Variants in OR4E2 observed in about 807,000 individuals in gnomAD.
OR4E2 encodes the protein olfactory receptor 4E2.
In OR4E2, 9 loss-of-function variants were observed where a neutral mutation model predicts 11.0. That is an observed-to-expected ratio of 0.82 (90% confidence interval 0.49 to 1.43). OR4E2 has a LOEUF of 1.43. Ranked by LOEUF, OR4E2 falls within the 40% of genes most tolerant of loss-of-function variation. OR4E2 has a pLI of 0.00. For synonymous variants in OR4E2, 159 were observed against 147.3 expected (o/e 1.08, Z -0.57); for missense variants, 441 against 382.0 (o/e 1.15, Z -1.29).
In OR4E2 at chr14:21,666,091, A is replaced by G. The variant is rs1469108126; in HGVS notation, c.*67A>G. On this transcript the variant is annotated 3_prime_UTR_variant, in exon 4 of 4. Transcript: ENST00000641524. The stretch of plus-strand genomic sequence containing the variant: ...ATGAAAGAGCAAAAGTAAAGAGTCA[A>G]AATCAACTTATATAACTTGGTAAAT... 2 of 1,149,890 alleles carry G rather than the reference A, an allele frequency of 1.7e-6. No homozygotes were observed. The highest frequency in any genetic ancestry group is 1.5e-5 in the African/African-American group (1 of 64,530). The allele number at this position is 1,149,890 out of a possible 1,614,324, so 71.2% of individuals were successfully genotyped here. A position where few individuals can be genotyped will look rare whatever the true frequency, so the allele number is the denominator to read the frequency against.
chr14:21,657,488 CTTCCTTCCTTCCTTCCTTCT>C (rs1234885089), intron 2 of OR4E2, among the ~76,000 whole-genome samples: 17 of 92,918 alleles, frequency 1.8e-4, no homozygotes, highest in African/African-American at 7.1e-4. Context: ...TCCTTCCTTC[CTTCCTTCCTTCCTTCCTTCT>C]TTCTTTGTTT....
intron 2 of OR4E2, among the ~76,000 whole-genome samples, chr14:21,656,910 C>A (rs1198898474): frequency 1.3e-5 from 2 of 152,164 alleles, no homozygotes; most frequent in Non-Finnish European, 2.9e-5. Context: ...GAGTTTGCCA[C>A]AGCACTGATT....
chr14:21,654,607 A>G (rs11157094), intron 1 of OR4E2, among the ~76,000 whole-genome samples: 77,772 of 151,822 alleles, frequency 0.51, 20,048 homozygotes, highest in South Asian at 0.69. Flanking sequence ...TTGACCCTCC[A>G]TATACATGGG....
In OR4E2 at chr14:21,665,662, C is replaced by T. The variant is rs1383508425; in HGVS notation, c.580C>T (p.Leu194Phe). The change falls in exon 4 of 4, where the codon CTC becomes TTC. Residue 194 changes from leucine to phenylalanine, a missense_variant. Leu to Phe is a conservative substitution (Grantham distance 22, BLOSUM62 0). Coordinates refer to ENST00000641524, the MANE Select transcript of OR4E2 (RefSeq NM_001001912.3). ...VIKLACTDTY[L>F]TGILIVTNSG... ...CAAGCTGGCCTGCACAGATACATAC[C>T]TCACAGGAATACTGATTGTGACCAA... is the stretch of plus-strand genomic sequence containing the variant. The T allele has an allele frequency of 3.7e-6, 6 of 1,614,162 alleles. No individual in the cohort carries two copies. Among genetic ancestry groups the T allele is most frequent in the South Asian group, 2.2e-5 (2 of 91,080 alleles).
At chr14:21,665,054 T>A in intron 3 of OR4E2, 21 bp from the exon 4 acceptor site, 1 of 1,272,148 alleles carries the variant, frequency 7.9e-7, no homozygotes, top group Non-Finnish European at 1.1e-6. Context: ...CTAAATTAGC[T>A]TTCATTTTTT....
chr14:21,661,443 A>G (rs568556260), intron 3 of OR4E2, among the ~76,000 whole-genome samples: 2 of 152,174 alleles, frequency 1.3e-5, no homozygotes. Context: ...CTTTCCTTCA[A>G]GGTTCGTAAT....
intron 3 of OR4E2, among the ~76,000 whole-genome samples, chr14:21,662,670 A>AT (rs1387490664): frequency 6.6e-6 from 1 of 152,056 alleles, no homozygotes; most frequent in Non-Finnish European, 1.5e-5. Flanking sequence ...TATGTTTAAT[A>AT]TTTTTTCACG....
chr14:21,659,310 T>C (rs1880185162), intron 2 of OR4E2, among the ~76,000 whole-genome samples: 1 of 152,146 alleles, frequency 6.6e-6, no homozygotes, highest in Admixed American at 6.5e-5. Context: ...GCTGGGAGGC[T>C]GAGGCAGGAA....
intron 1 of OR4E2, 74 bp from the exon 2 acceptor site, chr14:21,656,428 G>T (rs1033910814): frequency 6.6e-5 from 10 of 152,024 alleles, no homozygotes; most frequent in African/African-American, 2.4e-4. Flanking sequence ...CAGAAAGCCA[G>T]TTACTAATAT....
At position 21,659,420 on chromosome 14, in the gene OR4E2, A is replaced by C. The variant is rs567097230; in HGVS notation, c.-102-1233A>C. 4.6e-5 allele frequency among the ~76,000 whole-genome samples: 7 copies of C among 152,296 alleles called. No individual in the cohort carries two copies. The East Asian group carries it at 7.7e-4, about 17-fold the overall frequency. On this transcript the variant is annotated intron_variant, in intron 2 of 3. Transcript: ENST00000641524. ...AGTTACTTTGCTCTGTGGATAGAAAAATGAATGAGATATTTCCCTTCCTTC... is the reference window on the plus strand; with the variant it reads ...AGTTACTTTGCTCTGTGGATAGAAACATGAATGAGATATTTCCCTTCCTTC...
In OR4E2 at chr14:21,665,131, C is replaced by T. The variant is rs545065670; in HGVS notation, c.49C>T (p.Leu17Phe). 1.9e-6 allele frequency: 3 copies of T among 1,613,524 alleles called. No individual in the cohort carries two copies. The South Asian group carries it at 3.3e-5, about 18-fold the overall frequency. Residue 17 changes from leucine to phenylalanine, a missense_variant, in exon 4 of 4, where the codon CTC becomes TTC. Physicochemically the swap from Leu to Phe is conservative, Grantham distance 22 (BLOSUM62 0). Transcript: ENST00000641524. The stretch of plus-strand genomic sequence containing the variant: ...AGTGACTGAATTTGTCTTCTTGGGA[C>T]TCACTGATAACCGGGTGCTGGAAAT... ...TRVTEFVFLGLTDNRVLEMLF... is the reference protein window; with the variant it reads ...TRVTEFVFLGFTDNRVLEMLF...
chr14:21,660,524 G>A (rs1165399175), intron 2 of OR4E2, 129 bp from the exon 3 acceptor site: 2 of 152,254 alleles, frequency 1.3e-5, no homozygotes, highest in Admixed American at 1.3e-4. Context: ...GAAATGGGAA[G>A]TTGTGTCATT....
chr14:21,664,391 C>A (rs1435196651), intron 3 of OR4E2, among the ~76,000 whole-genome samples: 1 of 152,026 alleles, frequency 6.6e-6, no homozygotes, highest in East Asian at 1.9e-4. Flanking sequence ...TAAATGTCTT[C>A]TTTTGAGAAG....
chr14:21,659,422 T>C (rs758202501), intron 2 of OR4E2, among the ~76,000 whole-genome samples: 2 of 152,168 alleles, frequency 1.3e-5, no homozygotes, highest in African/African-American at 2.4e-5. Flanking sequence ...GATAGAAAAA[T>C]GAATGAGATA....
rs764140526 is a variant in OR4E2 at position 21,665,995 on chromosome 14, C to T, written c.913C>T (p.Gln305Ter). The T allele has an allele frequency of 6.2e-7, 1 of 1,613,778 alleles. No homozygotes were observed. Among genetic ancestry groups the T allele is most frequent in the African/African-American group, 1.3e-5 (1 of 74,994 alleles). ...KSAMKQLRQRQVFFTKSYT is the reference protein window; with the variant it reads ...KSAMKQLRQR ...TGCCATGAAGCAGCTCAGGCAGAGA[C>T]AAGTTTTTTTCACGAAATCATATAC... The change falls in exon 4 of 4, where the codon CAA becomes TAA. Residue 305 changes from glutamine (Q) to a stop codon, truncating the protein, a stop_gained. Coordinates refer to ENST00000641524, the MANE Select transcript of OR4E2 (RefSeq NM_001001912.3). LOFTEE classifies it high-confidence loss of function.
In OR4E2 at chr14:21,665,528, G is replaced by C. The variant is rs779087531; in HGVS notation, c.446G>C (p.Trp149Ser). ...TGTATACAGCTTGTCTTTGCTCTCT[G>C]GTTGGGGGGTACTGTTCACTCACTA... ...RVCIQLVFAL[W>S]LGGTVHSLGQ... The change falls in exon 4 of 4, where the codon TGG (tryptophan) becomes TCG (serine). Residue 149 changes from tryptophan (W) to serine (S), a missense_variant. By Grantham distance (177) the Trp-to-Ser change is radical. Coordinates refer to ENST00000641524, the MANE Select transcript of OR4E2 (RefSeq NM_001001912.3). 1 of 1,614,094 alleles carries C rather than the reference G, an allele frequency of 6.2e-7. No individual in the cohort carries two copies. Among genetic ancestry groups the C allele is most frequent in the Non-Finnish European group, 8.5e-7 (1 of 1,180,014 alleles).
rs1394190124 is a variant in OR4E2, at chr14:21,665,843, G to A, written c.761G>A (p.Cys254Tyr). Residue 254 changes from cysteine (C) to tyrosine (Y), a missense_variant, in exon 4 of 4, where the codon TGT becomes TAT. Coordinates refer to ENST00000641524, the MANE Select transcript of OR4E2 (RefSeq NM_001001912.3). ...GTGGTTGCCCTCTTCTTTGGGCCAT[G>A]TATCTTCATCTATACTCGGCCAGAC... Reference protein sequence around the residue: ...FMVVALFFGPCIFIYTRPDTS... With the variant: ...FMVVALFFGPYIFIYTRPDTS... The A allele has an allele frequency of 1.9e-6, 3 of 1,611,584 alleles. No individual in the cohort carries two copies. Among genetic ancestry groups the A allele is most frequent in the Admixed American group, 1.7e-5 (1 of 59,816 alleles).
At chr14:21,655,056 A>G (rs905094819) in intron 1 of OR4E2, among the ~76,000 whole-genome samples, 4 of 152,208 alleles carry the variant, frequency 2.6e-5, no homozygotes, top group African/African-American at 9.7e-5. Flanking sequence ...ATACCTTCAA[A>G]GCAACAGCTA....
At position 21,665,706 on chromosome 14, in the gene OR4E2, C is replaced by T. The variant is rs1279908069; in HGVS notation, c.624C>T (p.Leu208=). 1.2e-6 allele frequency: 2 copies of T among 1,614,182 alleles called. No individual in the cohort carries two copies. Among genetic ancestry groups the T allele is most frequent in the Non-Finnish European group, 1.7e-6 (2 of 1,180,038 alleles). ...LIVTNSGTIS[L]SCFLAVVTSY... is the part of the protein sequence containing the mutation. ...TGACCAATAGTGGAACCATCTCCCT[C>T]TCCTGTTTCTTGGCCGTGGTCACCT... Residue 208 remains leucine (L), a synonymous_variant, in exon 4 of 4, where the codon CTC becomes CTT. Coordinates refer to ENST00000641524, the MANE Select transcript of OR4E2 (RefSeq NM_001001912.3).
Sources: allele counts gnomAD v4.1 joint callset (sites outside exome capture counted in the v4.1 genomes callset), GRCh38; gene constraint gnomAD v4.1.1; transcripts MANE v1.5; gene names NCBI Gene and HGNC (gene_info 2026-07-23, HGNC 2026-07-21).